Variants in RPH3A observed in about 807,000 individuals in gnomAD.
The protein encoded by RPH3A is rabphilin 3A.
RPH3A carries 48 observed loss-of-function variants against 102.2 expected under a neutral mutation model. The ratio of observed to expected loss-of-function variants is 0.47; its 90% confidence interval spans 0.37 to 0.60. RPH3A has a LOEUF of 0.60. RPH3A is among the 20% of genes least tolerant of loss of function. RPH3A has a pLI of 0.00. For synonymous variants in RPH3A, 310 were observed against 324.3 expected (o/e 0.96, Z 0.47); for missense variants, 781 against 910.1 (o/e 0.86, Z 1.83).
intron 1 of RPH3A, among the ~76,000 whole-genome samples, chr12:112,615,342 C>T (rs1387393647): frequency 2.0e-5 from 3 of 152,174 alleles, no homozygotes; most frequent in Admixed American, 2.0e-4. Context: ...GCACCACCTC[C>T]TTGGGGCCTC....
chr12:112,618,760 T>C (rs1271660737), intron 1 of RPH3A, among the ~76,000 whole-genome samples: 8 of 152,240 alleles, frequency 5.3e-5, no homozygotes, highest in Non-Finnish European at 7.3e-5. Context: ...TCAATTATTT[T>C]AGTATGTTCA....
At chr12:112,646,706 T>A (rs1442729222) in intron 1 of RPH3A, among the ~76,000 whole-genome samples, 1 of 152,218 alleles carries the variant, frequency 6.6e-6, no homozygotes, top group Non-Finnish European at 1.5e-5. Flanking sequence ...GAGCCTCCAT[T>A]TTTCCATCCC....
chr12:112,694,642 GCGCACACGCACA>G (rs780276131), intron 1 of RPH3A, among the ~76,000 whole-genome samples: 15,305 of 139,796 alleles, frequency 0.11, 800 homozygotes, highest in South Asian at 0.15. Flanking sequence ...ACGCGCGCGC[GCGCACACGCACA>G]CACACACACA....
At chr12:112,755,224 AG>A (rs1478095516) in intron 1 of RPH3A, among the ~76,000 whole-genome samples, 3 of 151,990 alleles carry the variant, frequency 2.0e-5, no homozygotes, top group African/African-American at 7.3e-5. Context: ...CACCTAGTCC[AG>A]GGGGTCATTG....
intron 1 of RPH3A, among the ~76,000 whole-genome samples, chr12:112,716,539 G>C (rs2040514400): frequency 6.6e-6 from 1 of 152,204 alleles, no homozygotes; most frequent in Admixed American, 6.5e-5. Flanking sequence ...CTGTCTCTGG[G>C]TTCAAGGCAT....
At chr12:112,598,919 G>A (rs1168061430) in intron 1 of RPH3A, among the ~76,000 whole-genome samples, 1 of 152,224 alleles carries the variant, frequency 6.6e-6, no homozygotes, top group Non-Finnish European at 1.5e-5. Flanking sequence ...TAGGATGACA[G>A]TCATTTTCTA....
chr12:112,786,126 A>T (rs1207667691), intron 1 of RPH3A, among the ~76,000 whole-genome samples: 2 of 152,082 alleles, frequency 1.3e-5, no homozygotes, highest in African/African-American at 4.8e-5. Flanking sequence ...CTGAAATCAA[A>T]CTCCAAGTAT....
chr12:112,625,832 A>T (rs1783731196), intron 1 of RPH3A, among the ~76,000 whole-genome samples: 1 of 121,680 alleles, frequency 8.2e-6, no homozygotes, highest in Non-Finnish European at 1.7e-5. Flanking sequence ...ATTAACCAAA[A>T]CAGCATGGTA....
intron 1 of RPH3A, among the ~76,000 whole-genome samples, chr12:112,749,985 T>C (rs924780257): frequency 2.0e-5 from 3 of 152,192 alleles, no homozygotes; most frequent in African/African-American, 4.8e-5. Flanking sequence ...TGCATTCCTG[T>C]CTGGTCACTG....
At chr12:112,802,819 C>A (rs1027051270) in intron 2 of RPH3A, among the ~76,000 whole-genome samples, 1 of 152,052 alleles carries the variant, frequency 6.6e-6, no homozygotes, top group Non-Finnish European at 1.5e-5. Context: ...CTGTCCACTC[C>A]CCAGGGCCTC....
chr12:112,819,362 C>G (rs781766705), intron 2 of RPH3A, among the ~76,000 whole-genome samples: 1 of 152,116 alleles, frequency 6.6e-6, no homozygotes, highest in Non-Finnish European at 1.5e-5. Flanking sequence ...CCCACCTCAG[C>G]CTCCCCAAGG....
At position 112,773,314 on chromosome 12, in the gene RPH3A, G is replaced by C. The variant is rs952514712; in HGVS notation, c.-139-18829G>C. 2.0e-5 allele frequency among the ~76,000 whole-genome samples: 3 copies of C among 152,108 alleles called. No homozygotes were observed. The East Asian group carries it at 5.8e-4, about 29-fold the overall frequency. On this transcript the variant is annotated intron_variant, in intron 1 of 21. Transcript: ENST00000543106. ...GATGGGGTTTTGCCAAAGAGAAAGA[G>C]AAGTAAAACTTAATGACAGTGGATT...
intron 1 of RPH3A, among the ~76,000 whole-genome samples, chr12:112,769,588 G>T (rs185609761): frequency 1.1e-4 from 16 of 152,288 alleles, no homozygotes; most frequent in African/African-American, 3.8e-4. Flanking sequence ...TGAAAGTCCC[G>T]CCTTATTCTC....
intron 2 of RPH3A, among the ~76,000 whole-genome samples, chr12:112,826,007 C>T (rs1317735454): frequency 6.6e-6 from 1 of 152,068 alleles, no homozygotes; most frequent in East Asian, 1.9e-4. Flanking sequence ...TAAACGTGTG[C>T]CATATGGTAG....
In RPH3A at chr12:112,634,793, C is replaced by T. The variant is rs372641789; in HGVS notation, c.-140+59474C>T. 1.4e-4 allele frequency among the ~76,000 whole-genome samples: 22 copies of T among 152,242 alleles called. No homozygotes were observed. The South Asian group carries it at 3.7e-3, about 26-fold the overall frequency. On this transcript the variant is annotated intron_variant, in intron 1 of 21. Transcript: ENST00000543106. Reference sequence around the variant, plus strand: ...TTTTTCAATCCTCCAGATGAGATCACGAAGAAAGTCTCAGTTGGGTGCTCG... The same window carrying T: ...TTTTTCAATCCTCCAGATGAGATCATGAAGAAAGTCTCAGTTGGGTGCTCG...
intron 1 of RPH3A, among the ~76,000 whole-genome samples, chr12:112,653,443 G>C (rs2039990477): frequency 6.6e-6 from 1 of 151,908 alleles, no homozygotes; most frequent in Non-Finnish European, 1.5e-5. Context: ...GAGCTTGCAG[G>C]ACTGGAGGGT....
chr12:112,714,200 G>A (rs556493927), intron 1 of RPH3A, among the ~76,000 whole-genome samples: 1 of 152,172 alleles, frequency 6.6e-6, no homozygotes, highest in African/African-American at 2.4e-5. Flanking sequence ...AGACCCCTGG[G>A]AACAGCCATC....
chr12:112,660,360 T>G (rs2040041135), intron 1 of RPH3A, among the ~76,000 whole-genome samples: 1 of 152,152 alleles, frequency 6.6e-6, no homozygotes, highest in African/African-American at 2.4e-5. Context: ...TTACTCTAGT[T>G]GCTTATTTGA....
chr12:112,686,429 T>C (rs1262818948), intron 1 of RPH3A, among the ~76,000 whole-genome samples: 1 of 152,164 alleles, frequency 6.6e-6, no homozygotes, highest in African/African-American at 2.4e-5. Flanking sequence ...GTGGCTTGCT[T>C]TGGCCAATGA....
Sources: gnomAD v4.1 joint callset for allele counts (sites outside exome capture counted in the v4.1 genomes callset) on GRCh38, gnomAD v4.1.1 for gene constraint, MANE v1.5 for transcripts, NCBI Gene and HGNC (gene_info 2026-07-23, HGNC 2026-07-21) for gene names.